PML: variants seen among roughly 807,000 people sequenced by gnomAD.
PML encodes protein PML.
PML carries 28 observed loss-of-function variants against 65.2 expected under a neutral mutation model. That is an observed-to-expected ratio of 0.43 (90% CI 0.32 to 0.59). The LOEUF is 0.59. PML is among the 20% of genes least tolerant of loss of function. The probability of loss-of-function intolerance (pLI) is 0.08; values close to 1 mark genes in which losing one functional copy is unlikely to be tolerated. For missense variants in PML, 1,021 were observed against 1,203.4 expected, an observed-to-expected ratio of 0.85 and a Z score of 2.24; for synonymous variants, 500 against 508.8, an observed-to-expected ratio of 0.98 and a Z score of 0.23.
chr15:74,032,440 G>T, intron 4 of PML, 132 bp from the exon 5 acceptor site: 1 of 927,966 alleles, frequency 1.1e-6, no homozygotes, highest in Non-Finnish European at 1.7e-6. Context: ...CAGTGAGCTC[G>T]GAGCTTTGAG....
chr15:74,020,482 C>T (rs2070787107), intron 2 of PML, among the ~76,000 whole-genome samples: 1 of 151,982 alleles, frequency 6.6e-6, no homozygotes, highest in Non-Finnish European at 1.5e-5. Flanking sequence ...GAGTAAATTA[C>T]AGCAATATTT....
rs182201454 is a variant in PML at position 74,037,310 on chromosome 15, C to T, written c.1710+2780C>T. On this transcript the variant is annotated intron_variant, in intron 7 of 8. Transcript: ENST00000268058. The surrounding 1 kb of genome is among the most constrained non-coding windows in gnomAD (Gnocchi z 4.2). ...CATCTTGCTATTTACAGATCCCCAT[C>T]GCACCCCTTCCCTGCCCTCGTTAGG... is the stretch of plus-strand genomic sequence containing the variant. 13 of 985,412 alleles carry T rather than the reference C, an allele frequency of 1.3e-5. No homozygotes were observed. Among genetic ancestry groups the T allele is most frequent in the Middle Eastern group, 1.0e-3 (2 of 1,914 alleles). 61.0% of individuals were successfully genotyped at this position (985,412 alleles called of 1,614,324 possible).
intron 2 of PML, among the ~76,000 whole-genome samples, chr15:74,005,673 A>G (rs2070011510): frequency 6.6e-6 from 1 of 151,132 alleles, no homozygotes; most frequent in Admixed American, 6.6e-5. Flanking sequence ...TTCTCATTGT[A>G]GTGTGTTCTT....
At position 74,045,299 on chromosome 15, in the gene PML, G is replaced by A. The variant is rs1208979007; in HGVS notation, c.*291G>A. 6.8e-6 allele frequency: 3 copies of A among 444,252 alleles called. No homozygotes were observed. Among genetic ancestry groups the A allele is most frequent in the African/African-American group, 3.9e-5 (2 of 51,334 alleles). 27.5% of individuals were successfully genotyped at this position (444,252 alleles called of 1,614,324 possible). On this transcript the variant is annotated 3_prime_UTR_variant, in exon 9 of 9. Coordinates refer to ENST00000268058, the MANE Select transcript of PML (RefSeq NM_033238.3). ...CTGAGTGAGGAAGGCATGACCTCTG[G>A]GCTCTCTAGGTGGCCCTGGTCTTGC...
intron 4 of PML, among the ~76,000 whole-genome samples, chr15:74,031,622 A>G (rs566027058): frequency 1.3e-5 from 2 of 152,206 alleles, no homozygotes; most frequent in Non-Finnish European, 2.9e-5. Context: ...TGCTGCTCTG[A>G]ACATTCACGT....
chr15:73,999,865 C>T (rs1306871316), intron 2 of PML, among the ~76,000 whole-genome samples: 7 of 138,498 alleles, frequency 5.1e-5, no homozygotes, highest in African/African-American at 1.1e-4. Flanking sequence ...GATGGAGTCT[C>T]GCTGTGTCAC....
intron 1 of PML, 57 bp downstream of exon 1, chr15:73,994,998 A>T: frequency 7.0e-7 from 1 of 1,425,258 alleles, no homozygotes; most frequent in Non-Finnish European, 9.4e-7. Context: ...TGTGGTGGGG[A>T]GAGGCGGGAA....
chr15:74,003,851 A>T (rs547573589), intron 2 of PML, among the ~76,000 whole-genome samples: 7 of 152,310 alleles, frequency 4.6e-5, no homozygotes, highest in African/African-American at 1.4e-4. Context: ...TCAAGTAATT[A>T]AAAAAATTAT....
rs77580199 is a variant in PML, at chr15:74,020,884, C to T, written c.603-1944C>T. 4.3e-3 allele frequency among the ~76,000 whole-genome samples: 651 copies of T among 152,344 alleles called. 1 individual carries two copies. Among genetic ancestry groups the T allele is most frequent in the Middle Eastern group, 0.017 (5 of 294 alleles). On this transcript the variant is annotated intron_variant, in intron 2 of 8. Coordinates refer to ENST00000268058, the MANE Select transcript of PML (RefSeq NM_033238.3). ...ATCACATCACATCTCCTCTCATTCT[C>T]CTGCCTCCCTGCCCTTTCCTTTGAA...
chr15:74,031,432 T>A (rs2071320013), intron 4 of PML, among the ~76,000 whole-genome samples: 1 of 152,188 alleles, frequency 6.6e-6, no homozygotes, highest in Non-Finnish European at 1.5e-5. Context: ...CACCACCACG[T>A]CTGGCTGGTG....
rs1266301586 is a variant in PML, at chr15:74,046,891, CTG to C, written c.*1887_*1888del. ...GCTTGTGGCCACTTGCCCAGCACAA[CTG>C]TGTTTTGTGGGGCGTCTTTTAGGAC... On this transcript the variant is annotated 3_prime_UTR_variant, in exon 9 of 9. Coordinates refer to ENST00000268058, the MANE Select transcript of PML (RefSeq NM_033238.3). The C allele has an allele frequency of 1.3e-5, 3 of 230,580 alleles. No individual in the cohort carries two copies. The highest frequency in any genetic ancestry group is 6.6e-5 in the African/African-American group (3 of 45,204). 14.3% of individuals were successfully genotyped at this position (230,580 alleles called of 1,614,324 possible). A position where few individuals can be genotyped will look rare whatever the true frequency, so the allele number is the denominator to read the frequency against.
intron 7 of PML, 50 bp downstream of exon 7, chr15:74,034,580 G>A (rs1595916595): frequency 6.2e-7 from 1 of 1,614,136 alleles, no homozygotes. Flanking sequence ...CCCCATTTCA[G>A]GTCCCAGGGG....
intron 2 of PML, among the ~76,000 whole-genome samples, chr15:74,014,753 CTCTT>C (rs1483919442): frequency 6.6e-6 from 1 of 151,618 alleles, no homozygotes; most frequent in African/African-American, 2.4e-5. Flanking sequence ...CAGAGCGAGA[CTCTT>C]TCTCAAAAAA....
chr15:74,032,309 A>C, intron 4 of PML: 1 of 519,914 alleles, frequency 1.9e-6, no homozygotes, highest in Non-Finnish European at 3.5e-6. Flanking sequence ...AAACAGGAGA[A>C]TTGCTCAAGC....
rs1166744566 is a variant in PML at position 74,037,330 on chromosome 15, G to A, written c.1710+2800G>A. Reference sequence around the variant, plus strand: ...CCCATCGCACCCCTTCCCTGCCCTCGTTAGGGTGGAAGGGATGTCCACCTG... The same window carrying A: ...CCCATCGCACCCCTTCCCTGCCCTCATTAGGGTGGAAGGGATGTCCACCTG... On this transcript the variant is annotated intron_variant, in intron 7 of 8. Transcript: ENST00000268058. The surrounding 1 kb of genome is among the most constrained non-coding windows in gnomAD (Gnocchi z 4.2). The A allele has an allele frequency of 9.1e-6, 9 of 985,208 alleles. No individual in the cohort carries two copies. Among genetic ancestry groups the A allele is most frequent in the Admixed American group, 6.1e-5 (1 of 16,264 alleles). 61.0% of individuals were successfully genotyped at this position (985,208 alleles called of 1,614,324 possible). A position where few individuals can be genotyped will look rare whatever the true frequency, so the allele number is the denominator to read the frequency against.
intron 2 of PML, among the ~76,000 whole-genome samples, chr15:74,013,275 A>G (rs1224225506): frequency 6.6e-6 from 1 of 152,004 alleles, no homozygotes; most frequent in Non-Finnish European, 1.5e-5. Context: ...TTTGTAATTT[A>G]TTAACTTTAG....
chr15:74,000,745 C>T lies in PML; in HGVS notation c.602+2269C>T, dbSNP rs769095440. ...GGTACTTTTTTAATTGATTTTTTTT[C>T]GCCTGAATATTTTTGATCCAAGATT... On this transcript the variant is annotated intron_variant, in intron 2 of 8. Transcript: ENST00000268058. Among the ~76,000 whole-genome samples the T allele has an allele frequency of 2.1e-4, 32 of 151,010 alleles. 1 individual carries two copies. Among genetic ancestry groups the T allele is most frequent in the Non-Finnish European group, 3.0e-4 (20 of 67,780 alleles).
chr15:74,036,246 C>G, intron 7 of PML: 2 of 1,508,478 alleles, frequency 1.3e-6, no homozygotes, highest in Admixed American at 4.1e-5. Context: ...TTCTGAGTCC[C>G]TGGCCAATAG....
In PML at chr15:74,035,913, A is replaced by T; in HGVS notation, c.1710+1383A>T. On this transcript the variant is annotated intron_variant, in intron 7 of 8. Transcript: ENST00000268058. The surrounding 1 kb of genome is among the most constrained non-coding windows in gnomAD (Gnocchi z 4.1). ...ACCCTGTGCCCCAGAAAGGCCCCCCATCAGCCCAGTCCCAGGCGCCCGTCA... is the reference window on the plus strand; with the variant it reads ...ACCCTGTGCCCCAGAAAGGCCCCCCTTCAGCCCAGTCCCAGGCGCCCGTCA... 6.2e-7 allele frequency: 1 copy of T among 1,613,820 alleles called. No individual in the cohort carries two copies. Among genetic ancestry groups the T allele is most frequent in the Non-Finnish European group, 8.5e-7 (1 of 1,179,992 alleles).
Sources: allele counts gnomAD v4.1 joint callset (sites outside exome capture counted in the v4.1 genomes callset), GRCh38; gene constraint gnomAD v4.1.1; non-coding constraint Gnocchi (gnomAD v3.1); transcripts MANE v1.5; gene names NCBI Gene and HGNC (gene_info 2026-07-23, HGNC 2026-07-21).